TMEM272: variants seen among roughly 807,000 people sequenced by gnomAD.
TMEM272 encodes the protein transmembrane protein 272, also known as long intergenic non-protein coding RNA 282.
Under a neutral mutation model 3.7 loss-of-function variants are expected in TMEM272, and 8 were observed. The observed-to-expected ratio is 2.17, with a 90% CI of 1.27 to 3.91. The LOEUF (loss-of-function observed/expected upper bound fraction) is 3.91. Among genes scored for constraint, TMEM272 ranks in the 30% most tolerant of loss-of-function variants. The probability of loss-of-function intolerance (pLI) is 0.00; values close to 1 mark genes in which losing one functional copy is unlikely to be tolerated. For missense variants in TMEM272, 166 were observed against 91.5 expected, an observed-to-expected ratio of 1.81 and a Z score of -3.32; for synonymous variants, 63 against 39.8, an observed-to-expected ratio of 1.58 and a Z score of -2.20.
chr13:51,837,008 G>A (rs564867327), intron 2 of TMEM272, among the ~76,000 whole-genome samples: 160 of 152,328 alleles, frequency 1.1e-3, no homozygotes, highest in African/African-American at 3.8e-3. Flanking sequence ...CCTCCCCAGA[G>A]GAGGTGCTGA....
At chr13:51,908,180 CA>C in the TMEM272 span, 1 of 632,828 alleles carries the variant, frequency 1.6e-6, no homozygotes, top group Non-Finnish European at 2.9e-6. Context: ...TGAGAATAGT[CA>C]AAATGACTTT....
intron 2 of TMEM272, among the ~76,000 whole-genome samples, chr13:51,835,025 TCCC>T (rs1208397921): frequency 8.6e-5 from 13 of 151,648 alleles, no homozygotes; most frequent in Admixed American, 2.0e-4. Flanking sequence ...TCCAGAAAGC[TCCC>T]CCAAGTGGCT....
chr13:51,908,514 A>G, the TMEM272 span: 1 of 1,437,196 alleles, frequency 7.0e-7, no homozygotes, highest in Non-Finnish European at 9.8e-7. Flanking sequence ...CCTCGTATCC[A>G]CTGGAAACAA....
At chr13:51,880,315 G>C in the TMEM272 span, among the ~76,000 whole-genome samples, 1 of 150,044 alleles carries the variant, frequency 6.7e-6, no homozygotes, top group Non-Finnish European at 1.5e-5. Context: ...TCTAAGCTAA[G>C]CTGTGAACAA....
chr13:51,837,160 C>A (rs1956223039), intron 2 of TMEM272, among the ~76,000 whole-genome samples: 1 of 152,214 alleles, frequency 6.6e-6, no homozygotes, highest in Non-Finnish European at 1.5e-5. Flanking sequence ...AGACCTTGAC[C>A]TGCAGATTTA....
the TMEM272 span, among the ~76,000 whole-genome samples, chr13:51,855,565 G>A: frequency 6.6e-6 from 1 of 151,894 alleles, no homozygotes; most frequent in Non-Finnish European, 1.5e-5. Context: ...AAATCAAGAT[G>A]GATAAATTTG....
chr13:51,919,682 C>T, the TMEM272 span, among the ~76,000 whole-genome samples: 1 of 152,226 alleles, frequency 6.6e-6, no homozygotes, highest in Non-Finnish European at 1.5e-5. Flanking sequence ...CGCAAGTTGT[C>T]TGTCCACTTC....
intron 2 of TMEM272, among the ~76,000 whole-genome samples, chr13:51,833,335 G>C (rs1262965651): frequency 2.0e-5 from 3 of 152,082 alleles, no homozygotes; most frequent in Non-Finnish European, 4.4e-5. Flanking sequence ...AGAGTTGTAG[G>C]GTTTGCAATT....
the TMEM272 span, chr13:51,866,085 C>A: frequency 6.4e-7 from 1 of 1,561,504 alleles, no homozygotes; most frequent in South Asian, 1.2e-5. Context: ...GCGTAGCCAG[C>A]ATGCAGGTGC....
chr13:51,822,247 C>T, intron 3 of TMEM272, 110 bp from the exon 4 acceptor site: 2 of 609,700 alleles, frequency 3.3e-6, no homozygotes, highest in Non-Finnish European at 5.8e-6. Flanking sequence ...ATCATGCAAA[C>T]CATATGCTTG....
chr13:51,908,357 A>T, the TMEM272 span: 2 of 1,489,892 alleles, frequency 1.3e-6, no homozygotes. Context: ...AAGGAGGAAA[A>T]CCCCTCGGTG....
the TMEM272 span, chr13:51,908,370 C>T: frequency 2.1e-3 from 3,056 of 1,489,150 alleles, 4 homozygotes; most frequent in Admixed American, 3.2e-3. Flanking sequence ...CCTCGGTGGA[C>T]AGACATTTCT....
chr13:51,919,457 G>C, the TMEM272 span, among the ~76,000 whole-genome samples: 1 of 152,064 alleles, frequency 6.6e-6, no homozygotes, highest in African/African-American at 2.4e-5. Flanking sequence ...CCACCGATCT[G>C]AACTTGGTAT....
the TMEM272 span, among the ~76,000 whole-genome samples, chr13:51,876,195 T>C: frequency 1.3e-5 from 2 of 152,258 alleles, no homozygotes; most frequent in African/African-American, 4.8e-5. Flanking sequence ...TCTTGGCTTC[T>C]GGAACATCTT....
the TMEM272 span, chr13:51,934,014 C>T: frequency 3.9e-5 from 6 of 152,768 alleles, no homozygotes; most frequent in South Asian, 8.3e-4. Context: ...GGGCTTTAAG[C>T]AAAAAAGAAC....
the TMEM272 span, among the ~76,000 whole-genome samples, chr13:51,867,626 G>A: frequency 6.6e-6 from 1 of 152,124 alleles, no homozygotes; most frequent in African/African-American, 2.4e-5. Flanking sequence ...TTACTGCATG[G>A]CCAATGGAAA....
chr13:51,882,889 T>C, the TMEM272 span, among the ~76,000 whole-genome samples: 1 of 152,214 alleles, frequency 6.6e-6, no homozygotes, highest in South Asian at 2.1e-4. Flanking sequence ...CCCAGGGCCT[T>C]GCTCAGGCCC....
At position 51,814,387 on chromosome 13, in the gene TMEM272, T is replaced by C. The variant is rs1203688897; in HGVS notation, c.*2364A>G. ...CTTGAAGATGTCACCCACTGAACCA[T>C]TCAGTGTCCCCTCTATGAATGGATG... On this transcript the variant is annotated 3_prime_UTR_variant, in exon 5 of 5. Coordinates refer to ENST00000629372, the MANE Select transcript of TMEM272 (RefSeq NM_001351003.2). 1 of 152,228 alleles carries C rather than the reference T, an allele frequency of 6.6e-6. No individual in the cohort carries two copies. Among genetic ancestry groups the C allele is most frequent in the Non-Finnish European group, 1.5e-5 (1 of 68,044 alleles). 9.4% of individuals were successfully genotyped at this position (152,228 alleles called of 1,614,324 possible).
At chr13:51,928,641 G>A in the TMEM272 span, among the ~76,000 whole-genome samples, 2 of 152,152 alleles carry the variant, frequency 1.3e-5, no homozygotes, top group Non-Finnish European at 2.9e-5. Flanking sequence ...GCAGTAATGA[G>A]GGCAGTTCTT....
Sources: gnomAD v4.1 joint callset for allele counts (sites outside exome capture counted in the v4.1 genomes callset) on GRCh38, gnomAD v4.1.1 for gene constraint, MANE v1.5 for transcripts, NCBI Gene and HGNC (gene_info 2026-07-23, HGNC 2026-07-21) for gene names.